The following TMCC2 variants were observed in gnomAD, a reference collection of about 807,000 sequenced individuals.
TMCC2 encodes transmembrane and coiled-coil domain family 2.
A neutral mutation model predicts 49.4 loss-of-function variants in TMCC2; 16 were observed. That is an observed-to-expected ratio of 0.32 (90% CI 0.22 to 0.49). TMCC2 has a LOEUF of 0.49. TMCC2 is among the 20% of genes least tolerant of loss of function. The pLI, the probability that TMCC2 is intolerant of heterozygous loss-of-function variation, is 0.99. For synonymous variants in TMCC2, 397 were observed against 434.1 expected (o/e 0.91, Z 1.06); for missense variants, 762 against 989.8 (o/e 0.77, Z 3.09).
Position 205,271,717 on chromosome 1 carries a change from T to C in TMCC2, c.1819-96T>C, listed in dbSNP as rs1427212364. The C allele has an allele frequency of 2.0e-6, 3 of 1,479,204 alleles. No homozygotes were observed. In the African/African-American group the frequency reaches 4.2e-5, roughly 21 times the overall value. 91.6% of individuals were successfully genotyped at this position (1,479,204 alleles called of 1,614,324 possible). A position where few individuals can be genotyped will look rare whatever the true frequency, so the allele number is the denominator to read the frequency against. On this transcript the variant is annotated intron_variant, in intron 4 of 4. Transcript: ENST00000358024. The stretch of plus-strand genomic sequence containing the variant: ...CCTCCTGGCCTTTGGAGAGGAGACT[T>C]CGTTATAGGCACCTTCTCAGTGGGG...
At chr1:205,259,880 G>C (rs1661034291) in intron 2 of TMCC2, among the ~76,000 whole-genome samples, 1 of 152,240 alleles carries the variant, frequency 6.6e-6, no homozygotes, top group Admixed American at 6.5e-5. Flanking sequence ...TGCGTGGGCT[G>C]AGGGTAGATC....
chr1:205,245,140 G>T (rs371123301), intron 2 of TMCC2, among the ~76,000 whole-genome samples: 15 of 152,256 alleles, frequency 9.9e-5, no homozygotes, highest in South Asian at 2.1e-4. Flanking sequence ...GAGTGCAATG[G>T]CAGGGACCTC....
intron 2 of TMCC2, among the ~76,000 whole-genome samples, chr1:205,246,999 G>A (rs371461621): frequency 1.3e-5 from 2 of 152,238 alleles, no homozygotes; most frequent in East Asian, 3.9e-4. Flanking sequence ...CAGATGGGAG[G>A]GAGGAACTCT....
chr1:205,268,839 T>C, intron 2 of TMCC2, 111 bp from the exon 3 acceptor site: 1 of 1,037,590 alleles, frequency 9.6e-7, no homozygotes, highest in Non-Finnish European at 1.4e-6. Flanking sequence ...TGTCTTCTTT[T>C]GGACTCCTGC....
At chr1:205,257,127 A>G in intron 2 of TMCC2, 1 of 1,229,918 alleles carries the variant, frequency 8.1e-7, no homozygotes. Flanking sequence ...GGGAAGGAGC[A>G]GCCCGTGAGC....
At chr1:205,270,633 A>T (rs1661550730) in intron 3 of TMCC2, among the ~76,000 whole-genome samples, 1 of 152,198 alleles carries the variant, frequency 6.6e-6, no homozygotes, top group Non-Finnish European at 1.5e-5. Context: ...CTAAAAGCTA[A>T]CCACTCCTCA....
chr1:205,236,216 A>G (rs1008848314), intron 1 of TMCC2, among the ~76,000 whole-genome samples: 2 of 152,142 alleles, frequency 1.3e-5, no homozygotes, highest in Non-Finnish European at 2.9e-5. Flanking sequence ...TCCCTAAGCC[A>G]TTTGTGAAGA....
At chr1:205,246,679 C>CCA in intron 2 of TMCC2, 1 of 1,550,126 alleles carries the variant, frequency 6.5e-7, no homozygotes, top group Non-Finnish European at 8.7e-7. Flanking sequence ...GCAGCCAGGC[C>CCA]CACCTCTCAT....
chr1:205,228,329 C>T lies in TMCC2; in HGVS notation c.-236C>T. The T allele has an allele frequency of 2.3e-6, 1 of 438,044 alleles. No homozygotes were observed. The highest frequency in any genetic ancestry group is 3.5e-5 in the East Asian group (1 of 28,616). 27.1% of individuals were successfully genotyped at this position (438,044 alleles called of 1,614,324 possible). A position where few individuals can be genotyped will look rare whatever the true frequency, so the allele number is the denominator to read the frequency against. On this transcript the variant is annotated 5_prime_UTR_variant, in exon 1 of 5. Coordinates refer to ENST00000358024, the MANE Select transcript of TMCC2 (RefSeq NM_014858.4). ...CTGCCCAGCCTCGACTGTGACCTGT[C>T]TTCGCTCCCCAGGTCGAAATGAACT...
chr1:205,235,903 A>G (rs567703053), intron 1 of TMCC2, among the ~76,000 whole-genome samples: 79 of 152,202 alleles, frequency 5.2e-4, no homozygotes, highest in African/African-American at 1.8e-3. Context: ...CCCCGTCTCT[A>G]CTAAAAATAC....
intron 2 of TMCC2, among the ~76,000 whole-genome samples, chr1:205,244,577 G>A (rs2102550601): frequency 6.6e-6 from 1 of 152,290 alleles, no homozygotes; most frequent in Middle Eastern, 3.4e-3. Context: ...GTGTTGTAGA[G>A]GCTGGTAATT....
chr1:205,228,682 G>A lies in TMCC2; in HGVS notation c.118G>A (p.Gly40Ser), dbSNP rs1252036662. The A allele has an allele frequency of 6.2e-7, 1 of 1,612,888 alleles. No homozygotes were observed. Among genetic ancestry groups the A allele is most frequent in the Non-Finnish European group, 8.5e-7 (1 of 1,179,894 alleles). ...GADLRPGETT[G>S]ANSAGGPTSD... is the part of the protein sequence containing the mutation. ...GGACCTCCGGCCTGGGGAGACCACG[G>A]GTGCTAACTCTGCTGGCGGGCCAAC... Residue 40 changes from glycine (G) to serine (S), a missense_variant, in exon 1 of 5, where the codon GGT becomes AGT. Gly to Ser is a moderately conservative substitution (Grantham distance 56). Coordinates refer to ENST00000358024, the MANE Select transcript of TMCC2 (RefSeq NM_014858.4).
intron 2 of TMCC2, chr1:205,246,641 T>A: frequency 6.5e-7 from 1 of 1,550,380 alleles, no homozygotes. Flanking sequence ...TGTTCAGCCC[T>A]TAATGAGCAG....
At chr1:205,237,608 A>G (rs1476265509) in intron 1 of TMCC2, among the ~76,000 whole-genome samples, 1 of 152,254 alleles carries the variant, frequency 6.6e-6, no homozygotes, top group Non-Finnish European at 1.5e-5. Flanking sequence ...AGATGGTGCC[A>G]ATGACACTGT....
chr1:205,269,290 A>G lies in TMCC2; in HGVS notation c.1088A>G (p.Glu363Gly). Residue 363 changes from glutamate to glycine, a missense_variant, in exon 3 of 5, where the codon GAG becomes GGG. Glu to Gly is a moderately conservative substitution (Grantham distance 98, BLOSUM62 -2). This residue lies in a region of TMCC2 where 440 missense variants were observed against 636.7 expected (regional missense o/e 0.69). Transcript: ENST00000358024. ...KLEHYRRRLK[E>G]IEQNGPSRQP... The stretch of plus-strand genomic sequence containing the variant: ...GAGCACTACCGCCGGCGCCTGAAGG[A>G]GATTGAGCAGAACGGGCCCTCGCGG... The G allele has an allele frequency of 6.2e-7, 1 of 1,613,720 alleles. No individual in the cohort carries two copies. Among genetic ancestry groups the G allele is most frequent in the Non-Finnish European group, 8.5e-7 (1 of 1,180,032 alleles).
chr1:205,266,621 A>C (rs1184378770), intron 2 of TMCC2, among the ~76,000 whole-genome samples: 2 of 152,152 alleles, frequency 1.3e-5, no homozygotes, highest in African/African-American at 2.4e-5. Context: ...AAAAAAAAAA[A>C]AACCGTTAAT....
rs376579597 is a variant in TMCC2 at position 205,272,163 on chromosome 1, G to A, written c.*39G>A. On this transcript the variant is annotated 3_prime_UTR_variant, in exon 5 of 5. Coordinates refer to ENST00000358024, the MANE Select transcript of TMCC2 (RefSeq NM_014858.4). ...CCAACCCTGTGCTCTCTGGCCCCCA[G>A]CTGGCCACACTTCTCCAGGAGGGAC... 5.0e-6 allele frequency: 8 copies of A among 1,594,850 alleles called. No individual in the cohort carries two copies. Among genetic ancestry groups the A allele is most frequent in the Non-Finnish European group, 6.9e-6 (8 of 1,166,404 alleles).
chr1:205,254,514 A>G (rs1432753763), intron 2 of TMCC2, among the ~76,000 whole-genome samples: 1 of 152,328 alleles, frequency 6.6e-6, no homozygotes, highest in East Asian at 1.9e-4. Context: ...GGCTTAGAAA[A>G]GCATTGCTCT....
chr1:205,243,222 A>C (rs188748136), intron 2 of TMCC2, among the ~76,000 whole-genome samples: 3 of 152,244 alleles, frequency 2.0e-5, no homozygotes, highest in African/African-American at 7.2e-5. Flanking sequence ...CGTCCCTACT[A>C]AAAGTACAAA....
Sources: allele counts gnomAD v4.1 joint callset (sites outside exome capture counted in the v4.1 genomes callset), GRCh38; gene constraint gnomAD v4.1.1; regional missense constraint gnomAD v4.1.1; transcripts MANE v1.5; gene names NCBI Gene and HGNC (gene_info 2026-07-23, HGNC 2026-07-21).